U2SURP: variants seen among roughly 807,000 people sequenced by gnomAD.
U2SURP encodes U2 snRNP associated SURP domain containing, also known as U2 snRNP-associated SURP motif-containing protein.
In U2SURP, 9 loss-of-function variants were observed where a neutral mutation model predicts 144.9. The ratio of observed to expected loss-of-function variants is 0.06; its 90% confidence interval spans 0.04 to 0.11. U2SURP has a LOEUF of 0.11. U2SURP is among the 10% of genes least tolerant of loss of function. The pLI is 1.00. For synonymous variants in U2SURP, 408 were observed against 396.8 expected, an observed-to-expected ratio of 1.03 and a Z score of -0.33; for missense variants, 724 against 1,226.7, an observed-to-expected ratio of 0.59 and a Z score of 6.12.
At chr3:143,044,614 G>C (rs1175219323) in intron 24 of U2SURP, among the ~76,000 whole-genome samples, 4 of 152,172 alleles carry the variant, frequency 2.6e-5, no homozygotes, top group Admixed American at 6.5e-5. Flanking sequence ...GTAAATGCTA[G>C]CAGTAGTTTA....
chr3:143,010,673 C>T (rs1936077313), intron 1 of U2SURP, 142 bp from the exon 2 acceptor site: 2 of 498,908 alleles, frequency 4.0e-6, no homozygotes, highest in East Asian at 3.2e-5. Flanking sequence ...TTTCATAAGT[C>T]AGAGACTGCC....
chr3:143,055,162 C>T (rs1455100395), intron 27 of U2SURP, 43 bp downstream of exon 27: 1 of 1,463,426 alleles, frequency 6.8e-7, no homozygotes, highest in Admixed American at 2.8e-5. Context: ...ATACCAGTTT[C>T]CTTGTCATTT....
chr3:143,014,233 T>C, intron 3 of U2SURP, 78 bp from the exon 4 acceptor site: 1 of 895,232 alleles, frequency 1.1e-6, no homozygotes, highest in South Asian at 2.2e-5. Flanking sequence ...TCTGAAGACT[T>C]AGTTATCAGT....
Position 143,043,275 on chromosome 3 carries a change from A to G in U2SURP, c.2543A>G (p.Glu848Gly). The G allele has an allele frequency of 6.3e-7, 1 of 1,594,912 alleles. No individual in the cohort carries two copies. Among genetic ancestry groups the G allele is most frequent in the Admixed American group, 1.8e-5 (1 of 56,582 alleles). The change falls in exon 24 of 28, where the codon GAG becomes GGG. Residue 848 changes from glutamate to glycine, a missense_variant and splice_region_variant. Around this residue, in one of 13 missense-constraint regions of U2SURP, gnomAD observed 18 missense variants for 48.8 expected, o/e 0.37. Coordinates refer to ENST00000473835, the MANE Select transcript of U2SURP (RefSeq NM_001080415.2). ...AAACGAGCCAAACTTCGTGAAATTGAGGTTGGTGTTGCAGTGAAACTTAAA... is the reference window on the plus strand; with the variant it reads ...AAACGAGCCAAACTTCGTGAAATTGGGGTTGGTGTTGCAGTGAAACTTAAA... ...EEKRAKLREIELKVMKFQDEL... is the reference protein window; with the variant it reads ...EEKRAKLREIGLKVMKFQDEL...
At position 143,028,582 on chromosome 3, in the gene U2SURP, T is replaced by A; in HGVS notation, c.1546T>A (p.Ser516Thr). 6.2e-7 allele frequency: 1 copy of A among 1,603,712 alleles called. No homozygotes were observed. The highest frequency in any genetic ancestry group is 8.5e-7 in the Non-Finnish European group (1 of 1,177,346). The change falls in exon 16 of 28, where the codon TCA becomes ACA. Residue 516 changes from serine (S) to threonine (T), a missense_variant. By Grantham distance (58) the Ser-to-Thr change is moderately conservative. Transcript: ENST00000473835. ...ATTAAATCCGTACTTGCATGGAATG[T>A]CAGAAGAGCAAGAAACAGAAGCTTT... ...PPLNPYLHGM[S>T]EEQETEAFVE...
chr3:143,017,023 G>GC, intron 6 of U2SURP, 48 bp downstream of exon 6: 1 of 1,508,868 alleles, frequency 6.6e-7, no homozygotes, highest in Non-Finnish European at 8.8e-7. Context: ...AGATGACACT[G>GC]CCAGTGATAC....
Position 143,060,575 on chromosome 3 carries a change from A to G in U2SURP, c.*4125A>G, listed in dbSNP as rs1033392068. On this transcript the variant is annotated 3_prime_UTR_variant, in exon 28 of 28. Transcript: ENST00000473835. ...AGACTGTCCATGTAATTTTCTCCAT[A>G]TTGTTTTTCCGATGCAAGCCCAGTT... 3 of 151,896 alleles carry G rather than the reference A, an allele frequency of 2.0e-5. No homozygotes were observed. Among genetic ancestry groups the G allele is most frequent in the African/African-American group, 7.2e-5 (3 of 41,418 alleles). 9.4% of individuals were successfully genotyped at this position (151,896 alleles called of 1,614,324 possible). A position where few individuals can be genotyped will look rare whatever the true frequency, so the allele number is the denominator to read the frequency against.
intron 2 of U2SURP, 138 bp downstream of exon 2, chr3:143,010,997 C>CTTTTTTTTTTTTTTTTTTTTTTT (rs1936094885): frequency 1.7e-6 from 1 of 582,774 alleles, no homozygotes; most frequent in Non-Finnish European, 2.7e-6. Flanking sequence ...TTTTTCTAGG[C>CTTTTTTTTTTTTTTTTTTTTTTT]GCCTTCCTTT....
chr3:143,045,366 CAAAAAAAAAA>C (rs11356372), intron 24 of U2SURP, among the ~76,000 whole-genome samples: 49 of 75,424 alleles, frequency 6.5e-4, no homozygotes, highest in African/African-American at 2.4e-3. Flanking sequence ...GAGACGCCGT[CAAAAAAAAAA>C]AAAAAAAAAA....
intron 8 of U2SURP, among the ~76,000 whole-genome samples, 194 bp from the exon 9 acceptor site, chr3:143,021,156 A>G (rs1393364034): frequency 6.6e-6 from 1 of 152,120 alleles, no homozygotes; most frequent in African/African-American, 2.4e-5. Context: ...GTGCCATTGC[A>G]CTCCAGCCTG....
chr3:143,028,034 C>A (rs1449868), intron 14 of U2SURP, among the ~76,000 whole-genome samples: 1 of 151,934 alleles, frequency 6.6e-6, no homozygotes, highest in Non-Finnish European at 1.5e-5. Context: ...TTTGTAATTA[C>A]ATATTGGGAA....
chr3:143,008,181 T>A (rs1186964352), intron 1 of U2SURP, among the ~76,000 whole-genome samples: 2 of 152,254 alleles, frequency 1.3e-5, no homozygotes, highest in Non-Finnish European at 2.9e-5. Flanking sequence ...TGATTATTTT[T>A]GTATTAGAGA....
At chr3:143,050,144 G>T (rs961833336) in intron 24 of U2SURP, among the ~76,000 whole-genome samples, 1 of 151,996 alleles carries the variant, frequency 6.6e-6, no homozygotes, top group Non-Finnish European at 1.5e-5. Flanking sequence ...TGCCATCTCG[G>T]CTCACCGCAA....
rs778606111 is a variant in U2SURP at position 143,033,359 on chromosome 3, A to G, written c.1853+9A>G. The G allele has an allele frequency of 1.5e-5, 21 of 1,387,516 alleles. 1 individual carries two copies. In the South Asian group the frequency reaches 2.5e-4, roughly 16 times the overall value. The allele number at this position is 1,387,516 out of a possible 1,614,324, so 86.0% of individuals were successfully genotyped here. On this transcript the variant is annotated intron_variant, in intron 18 of 27. Transcript: ENST00000473835. ...TCATATTATAGAAAATTGTAAGTAT[A>G]ATGATATAACTGATATTCCTGAAAT... is the stretch of plus-strand genomic sequence containing the variant.
At position 143,008,886 on chromosome 3, in the gene U2SURP, G is replaced by T. The variant is rs544455970; in HGVS notation, c.46-1929G>T. On this transcript the variant is annotated intron_variant, in intron 1 of 27. Transcript: ENST00000473835. ...GTTCACACCATTCTCCTGCCTCAGCGAGTAGCTGGGACTACAGGCGCCTGG... is the reference window on the plus strand; with the variant it reads ...GTTCACACCATTCTCCTGCCTCAGCTAGTAGCTGGGACTACAGGCGCCTGG... Among the ~76,000 whole-genome samples, 3 of 152,204 alleles carry T rather than the reference G, an allele frequency of 2.0e-5. No homozygotes were observed. The East Asian group carries it at 5.8e-4, about 29-fold the overall frequency.
chr3:143,051,746 CTG>C (rs748905140), intron 25 of U2SURP, among the ~76,000 whole-genome samples: 6 of 151,940 alleles, frequency 3.9e-5, no homozygotes, highest in Non-Finnish European at 7.4e-5. Context: ...GGTAAAGCAA[CTG>C]TGGTGCTGCT....
chr3:143,047,883 C>CCG (rs1392658392), intron 24 of U2SURP, among the ~76,000 whole-genome samples: 1 of 17,052 alleles, frequency 5.9e-5, no homozygotes, highest in African/African-American at 3.6e-4. Context: ...GGGGGGCTGA[C>CCG]CCCCCCCAAC....
At position 143,022,948 on chromosome 3, in the gene U2SURP, C is replaced by G; in HGVS notation, c.1114C>G (p.His372Asp). ...PIYIPPSMME[H>D]TLPPPPSGLP... ...ATACATTCCGCCTTCTATGATGGAA[C>G]ATACGCTTCCCCCACCTCCATCCGG... The change falls in exon 12 of 28, where the codon CAT becomes GAT. Residue 372 changes from histidine to aspartate, a missense_variant. Around this residue, in one of 13 missense-constraint regions of U2SURP, gnomAD observed 64 missense variants for 164.1 expected, o/e 0.39. Coordinates refer to ENST00000473835, the MANE Select transcript of U2SURP (RefSeq NM_001080415.2). The G allele has an allele frequency of 6.2e-7, 1 of 1,612,638 alleles. No homozygotes were observed. The highest frequency in any genetic ancestry group is 8.5e-7 in the Non-Finnish European group (1 of 1,179,312).
In U2SURP at chr3:143,038,133, G is replaced by C. The variant is rs760481186; in HGVS notation, c.2247G>C (p.Lys749Asn). The C allele has an allele frequency of 3.1e-6, 5 of 1,606,746 alleles. No homozygotes were observed. Among genetic ancestry groups the C allele is most frequent in the South Asian group, 1.1e-5 (1 of 89,652 alleles). ...VPLDATEDSK[K>N]NEPIFKVAPS... ...TGGATGCAACTGAAGACTCAAAAAA[G>C]AATGAGCCTATATTTAAAGTTGCCC... Residue 749 changes from lysine to asparagine, a missense_variant, in exon 22 of 28, where the codon AAG becomes AAC. Lys to Asn is a moderately conservative substitution (Grantham distance 94). Around this residue, in one of 13 missense-constraint regions of U2SURP, gnomAD observed 116 missense variants for 167.9 expected, o/e 0.69. Coordinates refer to ENST00000473835, the MANE Select transcript of U2SURP (RefSeq NM_001080415.2).
Sources: allele counts gnomAD v4.1 joint callset (sites outside exome capture counted in the v4.1 genomes callset), GRCh38; gene constraint gnomAD v4.1.1; regional missense constraint gnomAD v4.1.1; transcripts MANE v1.5; gene names NCBI Gene and HGNC (gene_info 2026-07-23, HGNC 2026-07-21).